The following USP53 variants were observed in gnomAD, a reference collection of about 807,000 sequenced individuals.
USP53 encodes the protein ubiquitin specific peptidase 53.
USP53 carries 71 observed loss-of-function variants against 94.9 expected under a neutral mutation model. That is an observed-to-expected ratio of 0.75 (90% CI 0.62 to 0.91). USP53 has a LOEUF of 0.91. USP53 is among the 40% of genes least tolerant of loss of function. The pLI is 0.00. For missense variants in USP53, 1,173 were observed against 1,281.0 expected (o/e 0.92, Z 1.29); for synonymous variants, 375 against 422.7 (o/e 0.89, Z 1.39).
At chr4:119,290,835 C>T (rs1306065230) in intron 17 of USP53, among the ~76,000 whole-genome samples, 1 of 152,048 alleles carries the variant, frequency 6.6e-6, no homozygotes, top group Non-Finnish European at 1.5e-5. Context: ...GGGTTTTTTT[C>T]ACTGTTAACA....
Position 119,271,520 on chromosome 4 carries a change from A to G in USP53, c.1660A>G (p.Asn554Asp). ...AATAACTGGCAAAGTTAAGAGTGAC[A>G]ATGGCACTGGATATGACACAGACAG... The part of the protein sequence containing the change: ...EKITGKVKSD[N>D]GTGYDTDSSQ... Residue 554 changes from asparagine (N) to aspartate (D), a missense_variant, in exon 16 of 19, where the codon AAT becomes GAT. Coordinates refer to ENST00000692078, the MANE Select transcript of USP53 (RefSeq NM_001371395.1). 1 of 1,613,668 alleles carries G rather than the reference A, an allele frequency of 6.2e-7. No individual in the cohort carries two copies.
At chr4:119,266,015 G>C (rs1751083236) in intron 12 of USP53, among the ~76,000 whole-genome samples, 1 of 152,062 alleles carries the variant, frequency 6.6e-6, no homozygotes, top group South Asian at 2.1e-4. Context: ...ATTCTGTCAG[G>C]CTTCTTTGTT....
At chr4:119,248,703 G>A (rs75123920) in intron 6 of USP53, 45 bp from the exon 7 acceptor site, 29 of 1,584,788 alleles carry the variant, frequency 1.8e-5, no homozygotes, top group African/African-American at 5.4e-5. Context: ...CTGAAATGTC[G>A]TTAAAGCTGG....
At chr4:119,282,600 A>G (rs988309364) in intron 17 of USP53, among the ~76,000 whole-genome samples, 1 of 152,058 alleles carries the variant, frequency 6.6e-6, no homozygotes, top group Non-Finnish European at 1.5e-5. Context: ...TTCAAAGCCT[A>G]CTACGGTTCT....
At chr4:119,256,894 A>G (rs994634970) in intron 9 of USP53, among the ~76,000 whole-genome samples, 6 of 152,192 alleles carry the variant, frequency 3.9e-5, no homozygotes, top group Admixed American at 2.0e-4. Context: ...CAGCTCCACT[A>G]TGTCCCTTTC....
chr4:119,263,338 T>C (rs1289884029), intron 12 of USP53, among the ~76,000 whole-genome samples: 1 of 152,198 alleles, frequency 6.6e-6, no homozygotes, highest in Non-Finnish European at 1.5e-5. Context: ...TGGGTTGCAG[T>C]GCAGGCAGTG....
intron 12 of USP53, among the ~76,000 whole-genome samples, chr4:119,262,785 T>C (rs1750665688): frequency 6.6e-6 from 1 of 152,196 alleles, no homozygotes; most frequent in Non-Finnish European, 1.5e-5. Flanking sequence ...AATAATATTG[T>C]CTAGAAAAGT....
At chr4:119,268,222 C>T (rs373948795) in intron 13 of USP53, 46 bp from the exon 14 acceptor site, 41 of 1,368,234 alleles carry the variant, frequency 3.0e-5, no homozygotes, top group Non-Finnish European at 3.2e-5. Flanking sequence ...AACATCTCTT[C>T]TCATGGGAAG....
chr4:119,225,240 C>T (rs1238001569), intron 3 of USP53, among the ~76,000 whole-genome samples: 1 of 152,058 alleles, frequency 6.6e-6, no homozygotes, highest in Admixed American at 6.5e-5. Context: ...TGAAAGCTCA[C>T]TCAAGAAGAA....
intron 3 of USP53, among the ~76,000 whole-genome samples, chr4:119,225,836 A>G (rs149180245): frequency 2.5e-4 from 38 of 152,342 alleles, no homozygotes; most frequent in African/African-American, 7.9e-4. Flanking sequence ...CCTCATGAAT[A>G]CAGATGTAAA....
At position 119,292,592 on chromosome 4, in the gene USP53, G is replaced by C; in HGVS notation, c.2603G>C (p.Arg868Thr). 6.2e-7 allele frequency: 1 copy of C among 1,614,042 alleles called. No homozygotes were observed. Among genetic ancestry groups the C allele is most frequent in the Non-Finnish European group, 8.5e-7 (1 of 1,179,954 alleles). ...TCTTCATTATGGTCTTCACACCTAA[G>C]AACTGTTGGGTTAAAGCCAGAAACT... Reference protein sequence around the residue: ...EPSSLWSSHLRTVGLKPETAP... With the variant: ...EPSSLWSSHLTTVGLKPETAP... The change falls in exon 19 of 19, where the codon AGA becomes ACA. Residue 868 changes from arginine (R) to threonine (T), a missense_variant. Physicochemically the swap from Arg to Thr is moderately conservative, Grantham distance 71 (BLOSUM62 -1). Transcript: ENST00000692078.
rs566874981 is a variant in USP53, at chr4:119,259,679, A to G, written c.570-141A>G. 52 of 567,286 alleles carry G rather than the reference A, an allele frequency of 9.2e-5. No homozygotes were observed. In the African/African-American group the frequency reaches 9.8e-4, roughly 11 times the overall value. The allele number at this position is 567,286 out of a possible 1,614,324, so 35.1% of individuals were successfully genotyped here. On this transcript the variant is annotated intron_variant, in intron 9 of 18. Coordinates refer to ENST00000692078, the MANE Select transcript of USP53 (RefSeq NM_001371395.1). ...ATAATTTTTCACTTTATGGAAATGTACTTTATGGTTAATTTTTCAGTCATG... is the reference window on the plus strand; with the variant it reads ...ATAATTTTTCACTTTATGGAAATGTGCTTTATGGTTAATTTTTCAGTCATG...
chr4:119,289,358 T>C (rs1553981876), intron 17 of USP53, among the ~76,000 whole-genome samples: 1 of 152,254 alleles, frequency 6.6e-6, no homozygotes, highest in Non-Finnish European at 1.5e-5. Context: ...TTACCCATTA[T>C]TGTTTTTGCG....
rs751898296 is a variant in USP53, at chr4:119,256,509, T to C, written c.555T>C (p.Ser185=). The C allele has an allele frequency of 6.2e-7, 1 of 1,614,132 alleles. No homozygotes were observed. The change falls in exon 9 of 19, where the codon TCT becomes TCC. Residue 185 remains serine (S), a synonymous_variant. Transcript: ENST00000692078. ...LPFTEFVRYI[S]TTALCNEVER... ...TTACAGAATTTGTGCGGTACATTTC[T>C]ACAACAGCCTTATGGTAAGAACCTA...
intron 9 of USP53, among the ~76,000 whole-genome samples, 166 bp downstream of exon 9, chr4:119,256,689 G>T (rs189183603): frequency 2.7e-3 from 405 of 152,252 alleles, no homozygotes; most frequent in Middle Eastern, 0.01. Flanking sequence ...AAAGTTGGAT[G>T]TTTGTAATTT....
chr4:119,263,936 C>G (rs1750810316), intron 12 of USP53, among the ~76,000 whole-genome samples: 2 of 151,894 alleles, frequency 1.3e-5, no homozygotes, highest in South Asian at 4.2e-4. Flanking sequence ...ATAGTGGCAC[C>G]CACCTGTAGT....
rs1296143281 is a variant in USP53 at position 119,292,968 on chromosome 4, C to T, written c.2979C>T (p.Gly993=). ...KETFQVRECF[G]NTPNCPSSSS... is the part of the protein sequence containing the mutation. ...CATTTCAAGTGAGAGAATGTTTTGG[C>T]AACACACCAAACTGTCCATCCAGCT... The change falls in exon 19 of 19, where the codon GGC becomes GGT. Residue 993 remains glycine, a synonymous_variant. Coordinates refer to ENST00000692078, the MANE Select transcript of USP53 (RefSeq NM_001371395.1). 5 of 1,613,972 alleles carry T rather than the reference C, an allele frequency of 3.1e-6. No homozygotes were observed. The highest frequency in any genetic ancestry group is 4.2e-6 in the Non-Finnish European group (5 of 1,179,954).
chr4:119,266,286 T>C (rs79197400), intron 12 of USP53: 1 of 456,286 alleles, frequency 2.2e-6, no homozygotes, highest in Non-Finnish European at 4.4e-6. Flanking sequence ...CATATTTTTT[T>C]CCGTTGCTGT....
intron 7 of USP53, 143 bp downstream of exon 7, chr4:119,249,025 C>A: frequency 9.8e-7 from 1 of 1,018,596 alleles, no homozygotes; most frequent in Non-Finnish European, 1.4e-6. Flanking sequence ...CTTACCCATC[C>A]TTCAAGCCTC....
Sources: allele counts gnomAD v4.1 joint callset (sites outside exome capture counted in the v4.1 genomes callset), GRCh38; gene constraint gnomAD v4.1.1; transcripts MANE v1.5; gene names NCBI Gene and HGNC (gene_info 2026-07-23, HGNC 2026-07-21).